The following ZHX3 variants were observed in gnomAD, a reference collection of about 807,000 sequenced individuals.
ZHX3 encodes the protein zinc fingers and homeoboxes 3.
ZHX3 carries 20 observed loss-of-function variants against 64.5 expected under a neutral mutation model. The ratio of observed to expected loss-of-function variants is 0.31; its 90% CI spans 0.22 to 0.45. The LOEUF is 0.45. ZHX3 is among the 20% of genes least tolerant of loss of function. ZHX3 has a pLI of 1.00. For missense variants in ZHX3, 1,041 were observed against 1,195.8 expected (o/e 0.87, Z 1.91); for synonymous variants, 423 against 461.6 (o/e 0.92, Z 1.07).
intron 2 of ZHX3, among the ~76,000 whole-genome samples, chr20:41,248,173 C>T (rs182654816): frequency 6.6e-6 from 1 of 152,332 alleles, no homozygotes; most frequent in Non-Finnish European, 1.5e-5. Context: ...ATACTCTTCT[C>T]ATCCATTTGG....
At chr20:41,194,443 T>C (rs2037314174) in intron 3 of ZHX3, among the ~76,000 whole-genome samples, 1 of 152,222 alleles carries the variant, frequency 6.6e-6, no homozygotes, top group South Asian at 2.1e-4. Context: ...TGAGGTATAA[T>C]CCTTTTAGTA....
chr20:41,217,725 T>G (rs1176587202), intron 2 of ZHX3, among the ~76,000 whole-genome samples: 2 of 152,190 alleles, frequency 1.3e-5, no homozygotes, highest in Non-Finnish European at 2.9e-5. Context: ...TCCATCCTCA[T>G]AGTCTCCTGA....
At chr20:41,197,654 T>TA (rs924337810) in intron 3 of ZHX3, among the ~76,000 whole-genome samples, 2 of 151,886 alleles carry the variant, frequency 1.3e-5, no homozygotes, top group African/African-American at 4.8e-5. Context: ...TTAATCCCTT[T>TA]ACATTTAATG....
In ZHX3 at chr20:41,294,838, C is replaced by A. The variant is rs77204035; in HGVS notation, c.-245+22671G>T. ...ATCCTCCCACCTCAGCCAGACCATA[C>A]GCATGTGCCATCACACCTGGCTAAT... On this transcript the variant is annotated intron_variant, in intron 1 of 3. Transcript: ENST00000683867. Among the ~76,000 whole-genome samples the A allele has an allele frequency of 0.041, 6,231 of 152,012 alleles. 639 individuals are homozygous for A. In the East Asian group the frequency reaches 0.44, roughly 11 times the overall value.
intron 1 of ZHX3, among the ~76,000 whole-genome samples, chr20:41,291,141 G>A (rs2044216736): frequency 6.6e-6 from 1 of 152,188 alleles, no homozygotes; most frequent in East Asian, 1.9e-4. Context: ...TTTGAATCCA[G>A]ACATTTTTCC....
intron 1 of ZHX3, among the ~76,000 whole-genome samples, chr20:41,288,589 C>A (rs552020915): frequency 2.0e-5 from 3 of 152,146 alleles, no homozygotes; most frequent in East Asian, 3.8e-4. Context: ...CAGAAACCAG[C>A]CTGCAGAAGA....
rs75550966 is a variant in ZHX3 at position 41,259,054 on chromosome 20, C to A, written c.-151+9936G>T. Reference sequence around the variant, plus strand: ...AAATATAATTGTGGAGCTCTCATAACCCCACCTTCAGAGATTAGCACTATA... The same window carrying A: ...AAATATAATTGTGGAGCTCTCATAAACCCACCTTCAGAGATTAGCACTATA... On this transcript the variant is annotated intron_variant, in intron 2 of 3. Coordinates refer to ENST00000683867, the MANE Select transcript of ZHX3 (RefSeq NM_001384317.1). Among the ~76,000 whole-genome samples the A allele has an allele frequency of 0.044, 6,681 of 152,194 alleles. 757 individuals carry two copies. In the East Asian group the frequency reaches 0.48, roughly 11 times the overall value.
rs1054135848 is a variant in ZHX3, at chr20:41,228,453, A to T, written c.-150-23387T>A. On this transcript the variant is annotated intron_variant, in intron 2 of 3. Coordinates refer to ENST00000683867, the MANE Select transcript of ZHX3 (RefSeq NM_001384317.1). The surrounding 1 kb of genome is among the most constrained non-coding windows in gnomAD (Gnocchi z 4.6). The stretch of plus-strand genomic sequence containing the variant: ...AAACATCATAGACTGGATGGCTTAT[A>T]AACAACAGAAATGTATTTCTCACAG... 6.6e-6 allele frequency among the ~76,000 whole-genome samples: 1 copy of T among 152,188 alleles called. No homozygotes were observed. The highest frequency in any genetic ancestry group is 1.5e-5 in the Non-Finnish European group (1 of 68,018).
chr20:41,184,991 T>TTGCTTGC lies in ZHX3; in HGVS notation c.*193_*199dup. The TTGCTTGC allele has an allele frequency of 1.9e-6, 3 of 1,550,710 alleles. No individual in the cohort carries two copies. Among genetic ancestry groups the TTGCTTGC allele is most frequent in the Non-Finnish European group, 2.6e-6 (3 of 1,147,004 alleles). On this transcript the variant is annotated 3_prime_UTR_variant, in exon 4 of 4. Transcript: ENST00000683867. ...AGGAAGAACTGATGAGAACCCCATCTTGCTTGCTGCTTGCTTGGTGGTGGG... is the reference window on the plus strand; with the variant it reads ...AGGAAGAACTGATGAGAACCCCATCTTGCTTGCTGCTTGCTGCTTGCTTGGTGGTGGG...
chr20:41,240,518 G>T (rs1219727186), intron 2 of ZHX3, among the ~76,000 whole-genome samples: 2 of 152,102 alleles, frequency 1.3e-5, no homozygotes, highest in African/African-American at 2.4e-5. Flanking sequence ...ATCGCCTCAA[G>T]TATTTATCCT....
chr20:41,257,667 A>G (rs2042331445), intron 2 of ZHX3, among the ~76,000 whole-genome samples: 2 of 146,172 alleles, frequency 1.4e-5, no homozygotes, highest in South Asian at 2.1e-4. Flanking sequence ...GCTGCAGTGC[A>G]GTGGCGTGAT....
At chr20:41,189,004 C>T (rs933753364) in intron 3 of ZHX3, among the ~76,000 whole-genome samples, 14 of 152,050 alleles carry the variant, frequency 9.2e-5, no homozygotes, top group Non-Finnish European at 1.9e-4. Context: ...TTTAATCTGT[C>T]TTAACTTTTG....
intron 3 of ZHX3, among the ~76,000 whole-genome samples, chr20:41,187,602 G>A (rs764372483): frequency 1.3e-5 from 2 of 152,086 alleles, no homozygotes; most frequent in African/African-American, 2.4e-5. Flanking sequence ...GGATTTCTGG[G>A]CTTTTTATTT....
In ZHX3 at chr20:41,203,426, G is replaced by A. The variant is rs1354919845; in HGVS notation, c.1491C>T (p.Tyr497=). The change falls in exon 3 of 4, where the codon TAC becomes TAT. Residue 497 remains tyrosine (Y), a synonymous_variant. Coordinates refer to ENST00000683867, the MANE Select transcript of ZHX3 (RefSeq NM_001384317.1). This position sits in a 1 kb window ranked among gnomAD's most constrained non-coding sequence, Gnocchi z 7.1. ...GCTGTTCATGAGATTTCTTATTTTTGTAGATGCTAGCATCAAGGAAGGCTT... is the reference window on the plus strand; with the variant it reads ...GCTGTTCATGAGATTTCTTATTTTTATAGATGCTAGCATCAAGGAAGGCTT... The part of the protein sequence containing the change: ...TSQAFLDASI[Y]KNKKSHEQLS... 6.2e-7 allele frequency: 1 copy of A among 1,614,138 alleles called. No homozygotes were observed.
intron 2 of ZHX3, among the ~76,000 whole-genome samples, chr20:41,251,329 A>C (rs1249243303): frequency 1.3e-5 from 2 of 152,262 alleles, no homozygotes; most frequent in African/African-American, 4.8e-5. Context: ...CCTGAATGGA[A>C]ATCAGGTTTC....
intron 1 of ZHX3, among the ~76,000 whole-genome samples, chr20:41,275,962 T>C (rs541760950): frequency 2.6e-4 from 40 of 152,110 alleles, no homozygotes; most frequent in African/African-American, 8.9e-4. Flanking sequence ...AGAGGATGGG[T>C]TGGATACAGA....
intron 2 of ZHX3, among the ~76,000 whole-genome samples, chr20:41,215,770 T>TAAAAAAAAAAAA (rs55922605): frequency 8.0e-4 from 81 of 101,002 alleles, no homozygotes; most frequent in African/African-American, 1.4e-3. Flanking sequence ...ACGTCTCTAC[T>TAAAAAAAAAAAA]AAAAAAAAAA....
At chr20:41,262,297 A>G (rs1160683677) in intron 2 of ZHX3, among the ~76,000 whole-genome samples, 1 of 152,218 alleles carries the variant, frequency 6.6e-6, no homozygotes, top group African/African-American at 2.4e-5. Context: ...CCTCTGGTAC[A>G]GACCACAGGA....
At chr20:41,223,596 C>A (rs892862683) in intron 2 of ZHX3, among the ~76,000 whole-genome samples, 1 of 152,110 alleles carries the variant, frequency 6.6e-6, no homozygotes, top group East Asian at 1.9e-4. Context: ...AGAAATACCT[C>A]GAGAAAAATA....
Sources: gnomAD v4.1 joint callset for allele counts (sites outside exome capture counted in the v4.1 genomes callset) on GRCh38, gnomAD v4.1.1 for gene constraint, Gnocchi (gnomAD v3.1) non-coding constraint, MANE v1.5 for transcripts, NCBI Gene and HGNC (gene_info 2026-07-23, HGNC 2026-07-21) for gene names.